RBFOX1: variants seen among roughly 807,000 people sequenced by gnomAD.
RBFOX1 encodes the protein RNA binding fox-1 homolog 1, also known as RNA binding protein fox-1 homolog 1.
In RBFOX1, 8 loss-of-function variants were observed where a neutral mutation model predicts 57.7. The observed-to-expected ratio is 0.14, with a 90% confidence interval of 0.08 to 0.25. RBFOX1 has a LOEUF of 0.25. RBFOX1 is among the 10% of genes least tolerant of loss of function. The probability of loss-of-function intolerance (pLI) is 1.00; values close to 1 mark genes in which losing one functional copy is unlikely to be tolerated. For missense variants in RBFOX1, 611 were observed against 548.5 expected (o/e 1.11, Z -1.14); for synonymous variants, 326 against 222.4 (o/e 1.47, Z -4.15).
chr16:7,359,424 C>T (rs184502491), intron 4 of RBFOX1, among the ~76,000 whole-genome samples: 1 of 152,156 alleles, frequency 6.6e-6, no homozygotes, highest in Admixed American at 6.5e-5. Context: ...ATGTGTGATA[C>T]TAGGGAAAAT....
At chr16:6,016,425 C>G (rs1213431211), upstream of RBFOX1, among the ~76,000 whole-genome samples, 1 of 152,148 alleles carries the variant, frequency 6.6e-6, no homozygotes, top group African/African-American at 2.4e-5. Flanking sequence ...GAAAAGCCCT[C>G]CTGGGTCACA....
intron 3 of RBFOX1, among the ~76,000 whole-genome samples, chr16:5,822,266 A>C (rs2055882882): frequency 6.6e-6 from 1 of 152,172 alleles, no homozygotes. Context: ...GATACAATAG[A>C]CTTTGGGGAC....
intron 4 of RBFOX1, among the ~76,000 whole-genome samples, chr16:7,146,047 C>G (rs1174426071): frequency 6.6e-6 from 1 of 152,352 alleles, no homozygotes; most frequent in African/African-American, 2.4e-5. Flanking sequence ...AAACTGCTAA[C>G]TTCCCACTTC....
At position 6,570,928 on chromosome 16, in the gene RBFOX1, C is replaced by T. The variant is rs114790070; in HGVS notation, c.-63-83675C>T. Among the ~76,000 whole-genome samples, 17 of 152,202 alleles carry T rather than the reference C, an allele frequency of 1.1e-4. 1 individual carries two copies. Among genetic ancestry groups the T allele is most frequent in the African/African-American group, 3.1e-4 (13 of 41,522 alleles). ...TCTTGCAGGGCCTTTGATTGAATAACGGTTATATTGCTCATTAATCAGAGG... is the reference window on the plus strand; with the variant it reads ...TCTTGCAGGGCCTTTGATTGAATAATGGTTATATTGCTCATTAATCAGAGG... On this transcript the variant is annotated intron_variant, in intron 2 of 15. Coordinates refer to ENST00000550418, the MANE Select transcript of RBFOX1 (RefSeq NM_018723.4).
At chr16:7,539,298 T>C (rs2082292302) in intron 5 of RBFOX1, among the ~76,000 whole-genome samples, 2 of 152,116 alleles carry the variant, frequency 1.3e-5, no homozygotes, top group African/African-American at 4.8e-5. Flanking sequence ...TTCTGAAGGA[T>C]GGGAGAGTCC....
At chr16:5,883,981 A>C (rs969792416) in intron 4 of RBFOX1, among the ~76,000 whole-genome samples, 1 of 152,206 alleles carries the variant, frequency 6.6e-6, no homozygotes, top group African/African-American at 2.4e-5. Flanking sequence ...CTGAATGCTG[A>C]GATCCCATTG....
At chr16:7,484,001 GC>G (rs532040766) in intron 4 of RBFOX1, among the ~76,000 whole-genome samples, 67 of 151,952 alleles carry the variant, frequency 4.4e-4, no homozygotes, top group Non-Finnish European at 7.7e-4. Flanking sequence ...AGTCTATTCT[GC>G]CCCCCCATTC....
intron 1 of RBFOX1, among the ~76,000 whole-genome samples, chr16:6,280,696 C>T (rs552075695): frequency 1.4e-4 from 22 of 151,976 alleles, no homozygotes; most frequent in African/African-American, 5.1e-4. Context: ...AAATTCATTG[C>T]GGGAGAGAAT....
intron 4 of RBFOX1, among the ~76,000 whole-genome samples, chr16:7,097,104 A>G (rs1163052594): frequency 6.6e-6 from 1 of 152,124 alleles, no homozygotes; most frequent in Non-Finnish European, 1.5e-5. Flanking sequence ...GACAAAAACA[A>G]AAAATGTGCT....
intron 3 of RBFOX1, among the ~76,000 whole-genome samples, chr16:6,777,630 G>C (rs1043675422): frequency 5.9e-5 from 9 of 152,130 alleles, no homozygotes; most frequent in African/African-American, 2.2e-4. Flanking sequence ...ACGTTATTCA[G>C]TGTTTTAAAA....
chr16:7,708,309 CTCCATTTTTA>C (rs2083167691), intron 14 of RBFOX1, among the ~76,000 whole-genome samples: 1 of 152,118 alleles, frequency 6.6e-6, no homozygotes, highest in Admixed American at 6.5e-5. Context: ...TCCATCTCTT[CTCCATTTTTA>C]TCCTAAAGCC....
intron 1 of RBFOX1, among the ~76,000 whole-genome samples, chr16:5,356,623 T>C (rs532915938): frequency 6.6e-6 from 1 of 152,290 alleles, no homozygotes; most frequent in African/African-American, 2.4e-5. Flanking sequence ...ATGAAAAATA[T>C]ACTTGTTAAA....
In RBFOX1 at chr16:7,197,998, CTTTTTTTTTTT is replaced by C. The variant is rs945404947; in HGVS notation, c.27+145915_27+145925del. On this transcript the variant is annotated intron_variant, in intron 4 of 15. Coordinates refer to ENST00000550418, the MANE Select transcript of RBFOX1 (RefSeq NM_018723.4). Reference sequence around the variant, plus strand: ...TCATACCTTGTGGTTTTCTTTCTTTCTTTTTTTTTTTTTTTTTTTTTTTTTGAGACGGAGTC... The same window carrying C: ...TCATACCTTGTGGTTTTCTTTCTTTCTTTTTTTTTTTTTTGAGACGGAGTC... 3.8e-4 allele frequency among the ~76,000 whole-genome samples: 21 copies of C among 55,604 alleles called. No homozygotes were observed. The Admixed American group carries it at 5.4e-3, about 14-fold the overall frequency. The allele number at this position is 55,604 out of a possible 152,430, so 36.5% of individuals were successfully genotyped here. A position where few individuals can be genotyped will look rare whatever the true frequency, so the allele number is the denominator to read the frequency against.
chr16:5,259,744 A>G (rs763019753), intron 1 of RBFOX1, among the ~76,000 whole-genome samples: 9 of 152,176 alleles, frequency 5.9e-5, no homozygotes, highest in Admixed American at 2.0e-4. Flanking sequence ...CTTGCCCTGA[A>G]ATGGAGCCGG....
chr16:7,132,764 A>G (rs182350684), intron 4 of RBFOX1, among the ~76,000 whole-genome samples: 27 of 152,306 alleles, frequency 1.8e-4, no homozygotes, highest in Admixed American at 1.6e-3. Flanking sequence ...TCACTTATAT[A>G]GCTATTTCAA....
At chr16:6,165,303 T>G (rs2096909170) in intron 1 of RBFOX1, among the ~76,000 whole-genome samples, 1 of 152,208 alleles carries the variant, frequency 6.6e-6, no homozygotes, top group Non-Finnish European at 1.5e-5. Flanking sequence ...TACTTTTTTT[T>G]GGTTGAAAAT....
At chr16:5,816,286 A>G (rs575267953) in intron 3 of RBFOX1, among the ~76,000 whole-genome samples, 2 of 152,122 alleles carry the variant, frequency 1.3e-5, no homozygotes, top group Non-Finnish European at 2.9e-5. Flanking sequence ...TTCCTCCCTC[A>G]TCTAGGAAGA....
intron 1 of RBFOX1, among the ~76,000 whole-genome samples, chr16:6,292,547 G>C (rs1215445314): frequency 6.6e-6 from 1 of 151,906 alleles, no homozygotes; most frequent in Non-Finnish European, 1.5e-5. Flanking sequence ...GTCTTGCTTT[G>C]CCTTGTAGAT....
chr16:6,222,368 C>T (rs986170417), intron 1 of RBFOX1, among the ~76,000 whole-genome samples: 1 of 152,022 alleles, frequency 6.6e-6, no homozygotes, highest in South Asian at 2.1e-4. Flanking sequence ...TTTCTGGAGA[C>T]AAAAACATAA....
Sources: allele counts gnomAD v4.1 joint callset (sites outside exome capture counted in the v4.1 genomes callset), GRCh38; gene constraint gnomAD v4.1.1; transcripts MANE v1.5; gene names NCBI Gene and HGNC (gene_info 2026-07-23, HGNC 2026-07-21).